PAX3: variants seen among roughly 807,000 people sequenced by gnomAD.
The protein encoded by PAX3 is paired box 3.
PAX3 carries 14 observed loss-of-function variants against 51.6 expected under a neutral mutation model. The ratio of observed to expected loss-of-function variants is 0.27; its 90% CI spans 0.18 to 0.42. The LOEUF (loss-of-function observed/expected upper bound fraction) is 0.42, where lower values mean the gene tolerates loss of function less well. Among genes scored for constraint, PAX3 ranks in the 10% least tolerant of loss-of-function variants. The pLI is 1.00. For missense variants in PAX3, 540 were observed against 642.8 expected (o/e 0.84, Z 1.73); for synonymous variants, 280 against 253.4 (o/e 1.11, Z -1.00).
intron 7 of PAX3, among the ~76,000 whole-genome samples, chr2:222,205,246 G>A (rs565476963): frequency 6.6e-6 from 1 of 152,274 alleles, no homozygotes; most frequent in South Asian, 2.1e-4. Flanking sequence ...TAGAAAGATA[G>A]TTCCTCAAAG....
chr2:222,255,897 C>G (rs1046112315), intron 4 of PAX3, among the ~76,000 whole-genome samples: 9 of 147,934 alleles, frequency 6.1e-5, no homozygotes, highest in African/African-American at 2.2e-4. Flanking sequence ...ACTACAGGTG[C>G]ACGCCACTAC....
intron 4 of PAX3, among the ~76,000 whole-genome samples, chr2:222,280,973 G>A (rs1574741177): frequency 6.6e-6 from 1 of 152,194 alleles, no homozygotes; most frequent in Non-Finnish European, 1.5e-5. Flanking sequence ...CAGGGCCAGT[G>A]ACCACAAACA....
intron 4 of PAX3, among the ~76,000 whole-genome samples, chr2:222,251,411 A>G (rs915182589): frequency 4.6e-5 from 7 of 152,156 alleles, no homozygotes; most frequent in Non-Finnish European, 7.3e-5. Flanking sequence ...ACCTTCATCC[A>G]TGTCCCTACA....
At chr2:222,295,347 C>A (rs1559318018) in intron 3 of PAX3, among the ~76,000 whole-genome samples, 181 bp downstream of exon 3, 1 of 152,240 alleles carries the variant, frequency 6.6e-6, no homozygotes, top group South Asian at 2.1e-4. Context: ...CCAGGACAAG[C>A]AGCTCACCCC....
At chr2:222,294,808 C>CT (rs11347336) in intron 3 of PAX3, among the ~76,000 whole-genome samples, 3,816 of 111,244 alleles carry the variant, frequency 0.034, 125 homozygotes, top group African/African-American at 0.079. Flanking sequence ...CCTTTCTTCC[C>CT]TTTTTTTTTT....
chr2:222,293,166 G>A (rs1400600911), intron 4 of PAX3, among the ~76,000 whole-genome samples: 1 of 152,106 alleles, frequency 6.6e-6, no homozygotes, highest in African/African-American at 2.4e-5. Context: ...TGAACTCCAA[G>A]TCCCAGGTGA....
At chr2:222,252,850 T>G (rs1693489656) in intron 4 of PAX3, among the ~76,000 whole-genome samples, 1 of 152,172 alleles carries the variant, frequency 6.6e-6, no homozygotes, top group East Asian at 1.9e-4. Context: ...CAGGAAACTC[T>G]TTTTAACAGG....
intron 4 of PAX3, chr2:222,293,693 G>A: frequency 6.2e-7 from 1 of 1,614,134 alleles, no homozygotes. Context: ...GAGGGCCGTT[G>A]CCCAAAAGAG....
At position 222,291,966 on chromosome 2, in the gene PAX3, CA is replaced by C. The variant is rs1208496053; in HGVS notation, c.586+2200del. 4.5e-3 allele frequency among the ~76,000 whole-genome samples: 606 copies of C among 134,516 alleles called. 6 individuals carry two copies. Among genetic ancestry groups the C allele is most frequent in the African/African-American group, 0.016 (561 of 35,246 alleles). 88.2% of individuals were successfully genotyped at this position (134,516 alleles called of 152,430 possible). A position where few individuals can be genotyped will look rare whatever the true frequency, so the allele number is the denominator to read the frequency against. ...CCAAATTAAATCAGGCTTCAGCCTC[CA>C]AGGTGTGTGTGTGTGTGTGTGTGTG... On this transcript the variant is annotated intron_variant, in intron 4 of 8. Transcript: ENST00000392070.
chr2:222,272,251 C>T (rs13018600), intron 4 of PAX3, among the ~76,000 whole-genome samples: 32,569 of 152,112 alleles, frequency 0.21, 4,018 homozygotes, highest in South Asian at 0.37. Flanking sequence ...ACAAAAGTTG[C>T]ATTAGCTTTA....
intron 4 of PAX3, among the ~76,000 whole-genome samples, chr2:222,241,997 T>C (rs1353335399): frequency 6.6e-6 from 1 of 152,210 alleles, no homozygotes; most frequent in Non-Finnish European, 1.5e-5. Flanking sequence ...TATGACAGAA[T>C]AAAATCAGTG....
intron 4 of PAX3, among the ~76,000 whole-genome samples, chr2:222,253,194 T>G (rs1693504582): frequency 6.6e-6 from 1 of 152,230 alleles, no homozygotes; most frequent in Admixed American, 6.5e-5. Flanking sequence ...GTGAGCTGCC[T>G]AAATGGTATG....
In PAX3 at chr2:222,249,691, A is replaced by G. The variant is rs571693968; in HGVS notation, c.587-17408T>C. On this transcript the variant is annotated intron_variant, in intron 4 of 8. Transcript: ENST00000392070. Reference sequence around the variant, plus strand: ...GGGCCCTTTGCAGAGATTCAGAAGAAGCCCTTGCCCCCGGGGTCCCGCAGT... The same window carrying G: ...GGGCCCTTTGCAGAGATTCAGAAGAGGCCCTTGCCCCCGGGGTCCCGCAGT... Among the ~76,000 whole-genome samples the G allele has an allele frequency of 1.3e-4, 20 of 152,300 alleles. No homozygotes were observed. In the South Asian group the frequency reaches 4.1e-3, roughly 32 times the overall value.
chr2:222,298,457 G>A, intron 1 of PAX3, 74 bp downstream of exon 1: 4 of 1,275,394 alleles, frequency 3.1e-6, no homozygotes, highest in South Asian at 2.5e-5. Flanking sequence ...AGGAGCCTGC[G>A]GAGCCTGGGG....
chr2:222,265,376 T>C (rs1005468961), intron 4 of PAX3, among the ~76,000 whole-genome samples: 2 of 152,144 alleles, frequency 1.3e-5, no homozygotes, highest in Admixed American at 6.6e-5. Context: ...GGAGCAAGAT[T>C]TTTCTTCTCA....
intron 5 of PAX3, chr2:222,221,764 G>C (rs1692203221): frequency 3.7e-6 from 1 of 271,474 alleles, no homozygotes; most frequent in African/African-American, 2.2e-5. Context: ...ACCCCTGCAT[G>C]ACGCATGTCC....
chr2:222,282,247 C>T (rs1694673128), intron 4 of PAX3, among the ~76,000 whole-genome samples: 2 of 152,120 alleles, frequency 1.3e-5, no homozygotes, highest in South Asian at 4.1e-4. Flanking sequence ...ATACTTGGAG[C>T]AGAGTCCTTT....
intron 7 of PAX3, among the ~76,000 whole-genome samples, chr2:222,212,249 G>T (rs1037059331): frequency 1.3e-5 from 2 of 152,024 alleles, no homozygotes; most frequent in African/African-American, 4.8e-5. Flanking sequence ...TTTTTTTAAC[G>T]CAATCTGCCC....
intron 5 of PAX3, among the ~76,000 whole-genome samples, chr2:222,222,487 T>A (rs1692233814): frequency 6.6e-6 from 1 of 151,060 alleles, no homozygotes; most frequent in Non-Finnish European, 1.5e-5. Flanking sequence ...CAACCCAACC[T>A]CCGCCTCCCA....
Sources: gnomAD v4.1 joint callset for allele counts (sites outside exome capture counted in the v4.1 genomes callset) on GRCh38, gnomAD v4.1.1 for gene constraint, MANE v1.5 for transcripts, NCBI Gene and HGNC (gene_info 2026-07-23, HGNC 2026-07-21) for gene names.